RARB: variants seen among roughly 807,000 people sequenced by gnomAD.
RARB encodes retinoic acid receptor beta, also known as HBV-activated protein.
In RARB, 17 loss-of-function variants were observed where a neutral mutation model predicts 51.9. The observed-to-expected ratio is 0.33, with a 90% confidence interval of 0.22 to 0.49. The LOEUF is 0.49. RARB is among the 20% of genes least tolerant of loss of function. The probability of loss-of-function intolerance (pLI) is 0.99; values close to 1 mark genes in which losing one functional copy is unlikely to be tolerated. For missense variants in RARB, 369 were observed against 550.8 expected (o/e 0.67, Z 3.30); for synonymous variants, 215 against 195.4 (o/e 1.10, Z -0.84).
chr3:25,092,261 T>C (rs1005669896), intron 3 of RARB, among the ~76,000 whole-genome samples: 3 of 152,216 alleles, frequency 2.0e-5, no homozygotes. Context: ...ACTATTGTGA[T>C]GTTTGAGCTC....
chr3:25,378,330 C>T (rs2125477174), intron 5 of RARB, among the ~76,000 whole-genome samples: 1 of 152,270 alleles, frequency 6.6e-6, no homozygotes, highest in South Asian at 2.1e-4. Flanking sequence ...CTCCCTTCTA[C>T]CTGATGGGAC....
intron 2 of RARB, among the ~76,000 whole-genome samples, chr3:24,904,386 A>G (rs1470853749): frequency 6.6e-6 from 1 of 152,226 alleles, no homozygotes; most frequent in East Asian, 1.9e-4. Context: ...GAAGACATTT[A>G]TGCAGCCAAC....
chr3:24,906,250 G>T (rs1026032337), intron 2 of RARB, among the ~76,000 whole-genome samples: 1 of 152,146 alleles, frequency 6.6e-6, no homozygotes, highest in African/African-American at 2.4e-5. Context: ...TGAGGTTTCA[G>T]GGAGAGTTTC....
intron 4 of RARB, among the ~76,000 whole-genome samples, chr3:25,134,033 A>G (rs1699993998): frequency 6.6e-6 from 1 of 151,436 alleles, no homozygotes; most frequent in Admixed American, 6.6e-5. Flanking sequence ...AATTCCTAAC[A>G]ATGTGCTCTT....
At chr3:25,494,275 A>ACACACG (rs1553623210) in intron 2 of RARB, among the ~76,000 whole-genome samples, 1,046 of 102,316 alleles carry the variant, frequency 0.01, 5 homozygotes, top group Middle Eastern at 0.021. Context: ...ACACACACAC[A>ACACACG]CACATGCCAT....
intron 5 of RARB, among the ~76,000 whole-genome samples, chr3:25,210,617 C>T (rs1271702187): frequency 7.1e-6 from 1 of 141,390 alleles, no homozygotes; most frequent in Non-Finnish European, 1.5e-5. Context: ...CTCACTGCAT[C>T]CTCCACCTCC....
intron 3 of RARB, among the ~76,000 whole-genome samples, chr3:25,529,342 A>G (rs1698795974): frequency 6.6e-6 from 1 of 152,176 alleles, no homozygotes; most frequent in African/African-American, 2.4e-5. Flanking sequence ...ATAAATTCAA[A>G]CAATGAAATA....
At chr3:25,567,888 C>T (rs963309945) in intron 3 of RARB, among the ~76,000 whole-genome samples, 4 of 152,182 alleles carry the variant, frequency 2.6e-5, no homozygotes, top group Non-Finnish European at 4.4e-5. Flanking sequence ...CTCCCCTCAG[C>T]AGCCCAGACT....
intron 7 of RARB, among the ~76,000 whole-genome samples, chr3:25,595,477 C>T (rs763345632): frequency 1.3e-5 from 2 of 152,316 alleles, no homozygotes; most frequent in South Asian, 2.1e-4. Context: ...TTCATCCTTG[C>T]ATGGAATTAA....
chr3:25,177,128 C>T (rs569149823), intron 5 of RARB, among the ~76,000 whole-genome samples: 14 of 152,256 alleles, frequency 9.2e-5, no homozygotes, highest in East Asian at 7.7e-4. Context: ...TTTCTTGCTA[C>T]AGTCGAAGCA....
At chr3:24,966,276 G>A (rs974096697) in intron 2 of RARB, among the ~76,000 whole-genome samples, 2 of 152,092 alleles carry the variant, frequency 1.3e-5, no homozygotes, top group Non-Finnish European at 2.9e-5. Flanking sequence ...GTCAGCCTAA[G>A]GGTAAGATTG....
intron 3 of RARB, among the ~76,000 whole-genome samples, chr3:25,125,494 T>A (rs1037458900): frequency 3.9e-5 from 6 of 152,132 alleles, no homozygotes; most frequent in Admixed American, 3.9e-4. Flanking sequence ...TATGAAGGAA[T>A]AACCAGGGCA....
At chr3:25,208,402 A>C (rs970224254) in intron 5 of RARB, among the ~76,000 whole-genome samples, 1 of 152,170 alleles carries the variant, frequency 6.6e-6, no homozygotes, top group African/African-American at 2.4e-5. Flanking sequence ...ACTTCATTCC[A>C]GTGATTCTGT....
At chr3:25,525,870 G>A (rs545014497) in intron 3 of RARB, among the ~76,000 whole-genome samples, 1 of 152,296 alleles carries the variant, frequency 6.6e-6, no homozygotes, top group Non-Finnish European at 1.5e-5. Flanking sequence ...CAAGTGAGCA[G>A]GCAGATATCA....
intron 1 of RARB, among the ~76,000 whole-genome samples, chr3:25,446,439 C>A (rs187768289): frequency 1.3e-5 from 2 of 152,216 alleles, no homozygotes; most frequent in African/African-American, 4.8e-5. Flanking sequence ...GTGACAGAGA[C>A]CAGACAGCCC....
intron 5 of RARB, among the ~76,000 whole-genome samples, chr3:25,408,582 A>C (rs959067525): frequency 5.9e-5 from 9 of 152,164 alleles, no homozygotes; most frequent in Admixed American, 2.0e-4. Flanking sequence ...ACCACTCCAC[A>C]CAGTGACCAC....
At chr3:24,991,159 G>A (rs1177265298) in intron 2 of RARB, among the ~76,000 whole-genome samples, 1 of 152,194 alleles carries the variant, frequency 6.6e-6, no homozygotes, top group Non-Finnish European at 1.5e-5. Context: ...AGAAAATTAG[G>A]GTTAGGCACG....
chr3:24,853,409 A>G lies in RARB; in HGVS notation c.-458-5265A>G, dbSNP rs557445982. 7.9e-5 allele frequency among the ~76,000 whole-genome samples: 12 copies of G among 152,350 alleles called. No individual in the cohort carries two copies. The South Asian group carries it at 2.5e-3, about 32-fold the overall frequency. On this transcript the variant is annotated intron_variant, in intron 1 of 11. Coordinates refer to the RARB transcript ENST00000383772. Reference sequence around the variant, plus strand: ...TCACTGTTGTAAAATAAAGACAACTAGTGAAATACTTTTTACGGCTATCTA... The same window carrying G: ...TCACTGTTGTAAAATAAAGACAACTGGTGAAATACTTTTTACGGCTATCTA...
intron 5 of RARB, among the ~76,000 whole-genome samples, chr3:25,233,259 A>G (rs1047334947): frequency 2.0e-5 from 3 of 152,084 alleles, no homozygotes; most frequent in Non-Finnish European, 4.4e-5. Flanking sequence ...GCACCCAGCC[A>G]TTAAATGCAT....
Sources: gnomAD v4.1 joint callset for allele counts (sites outside exome capture counted in the v4.1 genomes callset) on GRCh38, gnomAD v4.1.1 for gene constraint, MANE v1.5 for transcripts, NCBI Gene and HGNC (gene_info 2026-07-23, HGNC 2026-07-21) for gene names.